The following RNGTT variants were observed in gnomAD, a reference collection of about 807,000 sequenced individuals.
RNGTT encodes the protein mRNA-capping enzyme.
In RNGTT, 33 loss-of-function variants were observed where a neutral mutation model predicts 79.3. That is an observed-to-expected ratio of 0.42 (90% CI 0.32 to 0.56). The LOEUF is 0.56. Among genes scored for constraint, RNGTT ranks in the 20% least tolerant of loss-of-function variants. The pLI is 0.17. For missense variants in RNGTT, 497 were observed against 739.1 expected, an observed-to-expected ratio of 0.67 and a Z score of 3.80; for synonymous variants, 222 against 235.9, an observed-to-expected ratio of 0.94 and a Z score of 0.54.
chr6:88,680,635 A>G (rs541622784), intron 13 of RNGTT, among the ~76,000 whole-genome samples: 107 of 151,800 alleles, frequency 7.0e-4, no homozygotes, highest in Non-Finnish European at 1.4e-3. Flanking sequence ...CCAGCTACTC[A>G]GGAGGCTTAG....
At chr6:88,906,294 T>C in intron 5 of RNGTT, 71 bp downstream of exon 5, 1 of 968,928 alleles carries the variant, frequency 1.0e-6, no homozygotes, top group South Asian at 1.6e-5. Context: ...CAATACAAAA[T>C]TCTGCAACTA....
intron 13 of RNGTT, among the ~76,000 whole-genome samples, chr6:88,685,052 C>T (rs1213845494): frequency 6.6e-6 from 1 of 152,100 alleles, no homozygotes; most frequent in Non-Finnish European, 1.5e-5. Context: ...AAAAAGACTA[C>T]ATACTATATG....
chr6:88,664,821 T>C (rs1774334980), intron 14 of RNGTT, among the ~76,000 whole-genome samples: 1 of 152,164 alleles, frequency 6.6e-6, no homozygotes, highest in Non-Finnish European at 1.5e-5. Flanking sequence ...ATGGTCAGAA[T>C]GACAGTTGGG....
chr6:88,915,419 T>C (rs1260840595), intron 4 of RNGTT, among the ~76,000 whole-genome samples: 1 of 152,296 alleles, frequency 6.6e-6, no homozygotes, highest in Non-Finnish European at 1.5e-5. Context: ...ATATATACCA[T>C]AGAATACTAT....
intron 8 of RNGTT, among the ~76,000 whole-genome samples, chr6:88,883,913 G>C (rs1290184813): frequency 6.6e-6 from 1 of 152,116 alleles, no homozygotes; most frequent in Non-Finnish European, 1.5e-5. Context: ...ACATATGAGA[G>C]GATGTTTGAC....
intron 13 of RNGTT, among the ~76,000 whole-genome samples, chr6:88,759,862 C>T (rs1778149865): frequency 6.6e-6 from 1 of 152,086 alleles, no homozygotes; most frequent in East Asian, 1.9e-4. Flanking sequence ...TTCATTTTCC[C>T]CCCCACCAAC....
intron 1 of RNGTT, among the ~76,000 whole-genome samples, chr6:88,962,877 GAAAATA>G (rs1167209065): frequency 2.0e-5 from 3 of 152,184 alleles, no homozygotes; most frequent in Admixed American, 6.5e-5. Flanking sequence ...TGTCTCACAA[GAAAATA>G]AAAATAAAAA....
chr6:88,704,440 C>T (rs1456595315), intron 13 of RNGTT, among the ~76,000 whole-genome samples: 1 of 151,950 alleles, frequency 6.6e-6, no homozygotes, highest in African/African-American at 2.4e-5. Context: ...CTTTTTCCTT[C>T]CTATGATATT....
chr6:88,827,085 A>G (rs929910107), intron 11 of RNGTT, among the ~76,000 whole-genome samples: 6 of 152,088 alleles, frequency 3.9e-5, no homozygotes, highest in African/African-American at 1.4e-4. Flanking sequence ...AAAAAAAAGT[A>G]TTCAGAGGCC....
At chr6:88,937,182 A>G (rs1371110572) in intron 2 of RNGTT, among the ~76,000 whole-genome samples, 1 of 152,054 alleles carries the variant, frequency 6.6e-6, no homozygotes, top group Non-Finnish European at 1.5e-5. Flanking sequence ...CATCTCAACT[A>G]AAAAATACAA....
At chr6:88,797,016 T>C (rs1447169137) in intron 12 of RNGTT, among the ~76,000 whole-genome samples, 1 of 152,188 alleles carries the variant, frequency 6.6e-6, no homozygotes, top group Non-Finnish European at 1.5e-5. Flanking sequence ...GATTTAATAT[T>C]GCAAACACAT....
intron 11 of RNGTT, among the ~76,000 whole-genome samples, chr6:88,830,165 A>G (rs1347121445): frequency 2.0e-5 from 3 of 152,198 alleles, no homozygotes; most frequent in African/African-American, 7.2e-5. Context: ...CAGCAAATGC[A>G]AAAGAACAGA....
At chr6:88,787,622 G>GC (rs1468246174) in intron 12 of RNGTT, among the ~76,000 whole-genome samples, 1 of 151,774 alleles carries the variant, frequency 6.6e-6, no homozygotes, top group Non-Finnish European at 1.5e-5. Flanking sequence ...TCGCGTCACT[G>GC]CACTCCAGCC....
chr6:88,715,297 T>C (rs1293492301), intron 13 of RNGTT, among the ~76,000 whole-genome samples: 2 of 152,152 alleles, frequency 1.3e-5, no homozygotes, highest in Non-Finnish European at 2.9e-5. Flanking sequence ...TACAAACCAC[T>C]GCTCAATGAA....
At chr6:88,806,756 G>C (rs192760710) in intron 11 of RNGTT, among the ~76,000 whole-genome samples, 1 of 152,038 alleles carries the variant, frequency 6.6e-6, no homozygotes, top group Non-Finnish European at 1.5e-5. Flanking sequence ...TATACCCAAG[G>C]AATATAAATC....
chr6:88,820,322 G>C (rs1780457219), intron 11 of RNGTT, among the ~76,000 whole-genome samples: 1 of 152,112 alleles, frequency 6.6e-6, no homozygotes, highest in Non-Finnish European at 1.5e-5. Flanking sequence ...TCCATGTTTG[G>C]CTAATATGAG....
chr6:88,945,048 G>A (rs78365977), intron 1 of RNGTT, among the ~76,000 whole-genome samples: 2,925 of 152,256 alleles, frequency 0.019, 84 homozygotes, highest in African/African-American at 0.067. Context: ...CTTGGTAGAC[G>A]GGCTGATGAA....
intron 9 of RNGTT, among the ~76,000 whole-genome samples, chr6:88,851,200 T>TA (rs71691377): frequency 4.3e-4 from 62 of 143,564 alleles, no homozygotes; most frequent in Middle Eastern, 3.8e-3. Context: ...GAACTAAATT[T>TA]AAAAAAAAAA....
At chr6:88,710,625 A>G (rs1324002072) in intron 13 of RNGTT, among the ~76,000 whole-genome samples, 1 of 152,204 alleles carries the variant, frequency 6.6e-6, no homozygotes, top group African/African-American at 2.4e-5. Context: ...GAGTTCTAGA[A>G]AGCAAATGAT....
Sources: gnomAD v4.1 joint callset for allele counts (sites outside exome capture counted in the v4.1 genomes callset) on GRCh38, gnomAD v4.1.1 for gene constraint, MANE v1.5 for transcripts, NCBI Gene and HGNC (gene_info 2026-07-23, HGNC 2026-07-21) for gene names.